Variants in COL24A1 observed in about 807,000 individuals in gnomAD.
COL24A1 encodes collagen alpha-1(XXIV) chain.
COL24A1 carries 224 observed loss-of-function variants against 253.9 expected under a neutral mutation model. The observed-to-expected ratio is 0.88, with a 90% CI of 0.79 to 0.99. The LOEUF (loss-of-function observed/expected upper bound fraction) is 0.99. Among genes scored for constraint, COL24A1 ranks in the 50% least tolerant of loss-of-function variants. The pLI, the probability that COL24A1 is intolerant of heterozygous loss-of-function variation, is 0.00. For missense variants in COL24A1, 2,131 were observed against 2,068.5 expected, an observed-to-expected ratio of 1.03 and a Z score of -0.59; for synonymous variants, 685 against 673.7, an observed-to-expected ratio of 1.02 and a Z score of -0.26.
intron 5 of COL24A1, among the ~76,000 whole-genome samples, chr1:86,102,086 G>A (rs200831235): frequency 1.6e-5 from 1 of 60,704 alleles, no homozygotes; most frequent in South Asian, 4.1e-4. Flanking sequence ...GGTCTGTTAA[G>A]GAATGCAATT....
Position 86,033,930 on chromosome 1 carries a change from C to A in COL24A1, c.1951-7G>T. The A allele has an allele frequency of 6.3e-7, 1 of 1,590,020 alleles. No homozygotes were observed. The highest frequency in any genetic ancestry group is 1.2e-5 in the South Asian group (1 of 85,638). On this transcript the variant is annotated splice_polypyrimidine_tract_variant and splice_region_variant and intron_variant, in intron 12 of 59. Transcript: ENST00000370571. ...CAAAGTCACCTGGAAAACCCTGTCA[C>A]AGGGAAAGAGGAAGAATGCCAACAT...
At chr1:86,133,138 T>C (rs1034343001) in intron 2 of COL24A1, among the ~76,000 whole-genome samples, 10 of 152,208 alleles carry the variant, frequency 6.6e-5, no homozygotes, top group African/African-American at 2.4e-4. Context: ...AGTTCACTCA[T>C]GATTTGGCTC....
chr1:86,115,501 A>G, intron 3 of COL24A1, 123 bp from the exon 4 acceptor site: 1 of 870,576 alleles, frequency 1.1e-6, no homozygotes, highest in Non-Finnish European at 1.8e-6. Flanking sequence ...GCTGGTGATG[A>G]TTTTTAAGTA....
intron 7 of COL24A1, among the ~76,000 whole-genome samples, chr1:86,087,300 C>A (rs1021121673): frequency 6.6e-6 from 1 of 151,932 alleles, no homozygotes; most frequent in Non-Finnish European, 1.5e-5. Flanking sequence ...TTACATAGAC[C>A]AAAAAGAATA....
At chr1:85,907,698 A>C (rs997439) in intron 27 of COL24A1, among the ~76,000 whole-genome samples, 38,853 of 151,686 alleles carry the variant, frequency 0.26, 5,923 homozygotes, top group East Asian at 0.34. Context: ...AAATGCCACA[A>C]AATGTTCCAA....
rs371801341 is a variant in COL24A1, at chr1:85,784,304, T to C, written c.4122A>G (p.Gln1374=). Residue 1374 remains glutamine (Q), a synonymous_variant, in exon 49 of 60, where the codon CAA becomes CAG. Coordinates refer to ENST00000370571, the MANE Select transcript of COL24A1 (RefSeq NM_152890.7). ...GGTCTCCACATGGTCCTTGATCACC[T>C]TGTGCTCCTCGGTGACCTCTTTTAC... ...IQGKRGHRGA[Q]GDQGPCGDPG... The C allele has an allele frequency of 7.5e-5, 121 of 1,614,084 alleles. No homozygotes were observed. The Middle Eastern group carries it at 1.8e-3, about 24-fold the overall frequency.
At position 85,747,839 on chromosome 1, in the gene COL24A1, C is replaced by T. The variant is rs555637168; in HGVS notation, c.4438-2333G>A. Among the ~76,000 whole-genome samples the T allele has an allele frequency of 7.1e-4, 108 of 152,072 alleles. 1 individual carries two copies. The highest frequency in any genetic ancestry group is 3.1e-3 in the Admixed American group (47 of 15,280). ...GGAAAACTGAACCCACCTCAATGAA[C>T]GTTTTGTACTTTTATACTAAAATCC... is the stretch of plus-strand genomic sequence containing the variant. On this transcript the variant is annotated intron_variant, in intron 55 of 59. Transcript: ENST00000370571.
chr1:85,933,589 A>C (rs1687997299), intron 24 of COL24A1, among the ~76,000 whole-genome samples: 1 of 152,224 alleles, frequency 6.6e-6, no homozygotes, highest in Non-Finnish European at 1.5e-5. Context: ...TAACAGAAGT[A>C]CTTTCTGAAA....
At chr1:85,870,304 C>G (rs1680311293) in intron 35 of COL24A1, among the ~76,000 whole-genome samples, 1 of 152,160 alleles carries the variant, frequency 6.6e-6, no homozygotes, top group African/African-American at 2.4e-5. Flanking sequence ...AGAAAGTTAA[C>G]AAGGATATCC....
chr1:86,144,173 T>C (rs1651545222), intron 2 of COL24A1, among the ~76,000 whole-genome samples: 2 of 152,228 alleles, frequency 1.3e-5, no homozygotes, highest in African/African-American at 2.4e-5. Flanking sequence ...GTGTATAAAA[T>C]TGAAAATTAT....
intron 58 of COL24A1, chr1:85,736,082 A>G (rs181287817): frequency 2.4e-4 from 63 of 267,840 alleles, no homozygotes; most frequent in Middle Eastern, 1.4e-3. Flanking sequence ...TTGTCAGTAA[A>G]TTCGGGTATA....
At chr1:85,844,957 T>A (rs1293650416) in intron 39 of COL24A1, among the ~76,000 whole-genome samples, 3 of 151,828 alleles carry the variant, frequency 2.0e-5, no homozygotes, top group African/African-American at 7.2e-5. Flanking sequence ...TTTATATGAC[T>A]TGCTTAACAC....
chr1:85,811,946 G>C (rs1672588992), intron 47 of COL24A1, among the ~76,000 whole-genome samples: 1 of 152,150 alleles, frequency 6.6e-6, no homozygotes, highest in African/African-American at 2.4e-5. Context: ...GAGCCCTTTG[G>C]TAATCTCCCA....
chr1:85,892,186 ATGAT>A (rs1447202102), intron 31 of COL24A1, among the ~76,000 whole-genome samples: 1 of 152,144 alleles, frequency 6.6e-6, no homozygotes, highest in Non-Finnish European at 1.5e-5. Context: ...GACTTCCAAT[ATGAT>A]TGATTCCAAT....
At chr1:86,020,499 C>T in intron 18 of COL24A1, among the ~76,000 whole-genome samples, 1 of 151,978 alleles carries the variant, frequency 6.6e-6, no homozygotes, top group East Asian at 1.9e-4. Context: ...TTTTTTACTC[C>T]CATCAACATG....
rs1016461940 is a variant in COL24A1 at position 85,828,269 on chromosome 1, G to T, written c.3682-4531C>A. On this transcript the variant is annotated intron_variant, in intron 43 of 59. Coordinates refer to ENST00000370571, the MANE Select transcript of COL24A1 (RefSeq NM_152890.7). ...CTTAATCCTGAGTTCTAGTTTGATTGCACTGTGGTCTGAGAGATAAGTTTG... is the reference window on the plus strand; with the variant it reads ...CTTAATCCTGAGTTCTAGTTTGATTTCACTGTGGTCTGAGAGATAAGTTTG... Among the ~76,000 whole-genome samples, 94 of 125,564 alleles carry T rather than the reference G, an allele frequency of 7.5e-4. No individual in the cohort carries two copies. The East Asian group carries it at 0.018, about 24-fold the overall frequency. The allele number at this position is 125,564 out of a possible 152,430, so 82.4% of individuals were successfully genotyped here.
At chr1:85,839,115 CTT>C (rs1003745816) in intron 42 of COL24A1, among the ~76,000 whole-genome samples, 1 of 152,094 alleles carries the variant, frequency 6.6e-6, no homozygotes, top group Non-Finnish European at 1.5e-5. Context: ...AGGGGGAACA[CTT>C]GAGCCCAGGA....
At position 86,056,427 on chromosome 1, in the gene COL24A1, A is replaced by G. The variant is rs1319412014; in HGVS notation, c.1851+1504T>C. ...ATGGGGATGACAGGCCTGTTCTCCT[A>G]CATCACAGGGCTGATGGCAAAATAA... On this transcript the variant is annotated intron_variant, in intron 10 of 59. Transcript: ENST00000370571. Among the ~76,000 whole-genome samples the G allele has an allele frequency of 2.0e-5, 3 of 152,238 alleles. No individual in the cohort carries two copies. The East Asian group carries it at 5.8e-4, about 29-fold the overall frequency.
chr1:85,870,111 T>C (rs1680277466), intron 35 of COL24A1, among the ~76,000 whole-genome samples: 1 of 152,156 alleles, frequency 6.6e-6, no homozygotes, highest in Non-Finnish European at 1.5e-5. Flanking sequence ...GGCCATTACA[T>C]AATGGTAAAA....
Sources: allele counts gnomAD v4.1 joint callset (sites outside exome capture counted in the v4.1 genomes callset), GRCh38; gene constraint gnomAD v4.1.1; transcripts MANE v1.5; gene names NCBI Gene and HGNC (gene_info 2026-07-23, HGNC 2026-07-21).